The following TOMM70 variants were observed in gnomAD, a reference collection of about 807,000 sequenced individuals.
TOMM70 encodes mitochondrial import receptor subunit TOM70.
TOMM70 carries 13 observed loss-of-function variants against 73.6 expected under a neutral mutation model. The observed-to-expected ratio is 0.18, with a 90% CI of 0.11 to 0.28. TOMM70 has a LOEUF of 0.28. TOMM70 is among the 10% of genes least tolerant of loss of function. TOMM70 has a pLI of 1.00. For synonymous variants in TOMM70, 257 were observed against 271.2 expected (o/e 0.95, Z 0.51); for missense variants, 609 against 747.5 (o/e 0.81, Z 2.16).
rs568144136 is a variant in TOMM70, at chr3:100,383,458, G to A, written c.735+1021C>T. Among the ~76,000 whole-genome samples, 669 of 151,954 alleles carry A rather than the reference G, an allele frequency of 4.4e-3. 3 individuals carry two copies. Among genetic ancestry groups the A allele is most frequent in the Non-Finnish European group, 7.8e-3 (530 of 67,966 alleles). ...GAATTGCTTGAACCTGGGAGGCAGA[G>A]GTTGCAGTGAGCCAAGATAGCAACT... On this transcript the variant is annotated intron_variant, in intron 4 of 11. Coordinates refer to ENST00000284320, the MANE Select transcript of TOMM70 (RefSeq NM_014820.5).
Position 100,363,976 on chromosome 3 carries a change from AAG to A in TOMM70, c.*1586_*1587del. On this transcript the variant is annotated 3_prime_UTR_variant, in exon 12 of 12. Transcript: ENST00000284320. ...AAATCTTTTTGGTTTCAACAGAATT[AAG>A]CACCCTTAAGGGGTGTAAAAATGCT... The A allele has an allele frequency of 6.6e-6, 1 of 152,212 alleles. No homozygotes were observed. Among genetic ancestry groups the A allele is most frequent in the African/African-American group, 2.4e-5 (1 of 41,454 alleles). 9.4% of individuals were successfully genotyped at this position (152,212 alleles called of 1,614,324 possible). A position where few individuals can be genotyped will look rare whatever the true frequency, so the allele number is the denominator to read the frequency against.
At position 100,363,578 on chromosome 3, in the gene TOMM70, T is replaced by C. The variant is rs1371268284; in HGVS notation, c.*1986A>G. On this transcript the variant is annotated 3_prime_UTR_variant, in exon 12 of 12. Coordinates refer to ENST00000284320, the MANE Select transcript of TOMM70 (RefSeq NM_014820.5). ...CATTTTCACAACAGGCAATAGTCCA[T>C]GAGAATTTGGAATGACAGTATAGAA... is the stretch of plus-strand genomic sequence containing the variant. 2 of 152,650 alleles carry C rather than the reference T, an allele frequency of 1.3e-5. No homozygotes were observed. The highest frequency in any genetic ancestry group is 2.4e-5 in the African/African-American group (1 of 41,450). 9.5% of individuals were successfully genotyped at this position (152,650 alleles called of 1,614,324 possible).
Position 100,364,670 on chromosome 3 carries a change from T to G in TOMM70, c.*894A>C, listed in dbSNP as rs541261489. ...CCTCGAGCTCCTGGTCTCAAGCCTCTTGCCTCAGCCTCCCTAGTAGCTGAG... is the reference window on the plus strand; with the variant it reads ...CCTCGAGCTCCTGGTCTCAAGCCTCGTGCCTCAGCCTCCCTAGTAGCTGAG... On this transcript the variant is annotated 3_prime_UTR_variant, in exon 12 of 12. Transcript: ENST00000284320. 1 of 152,292 alleles carries G rather than the reference T, an allele frequency of 6.6e-6. No individual in the cohort carries two copies. Among genetic ancestry groups the G allele is most frequent in the South Asian group, 2.1e-4 (1 of 4,830 alleles). 9.4% of individuals were successfully genotyped at this position (152,292 alleles called of 1,614,324 possible).
Position 100,386,285 on chromosome 3 carries a change from A to G in TOMM70, c.558T>C (p.Tyr186=), listed in dbSNP as rs775391830. Residue 186 remains tyrosine, a synonymous_variant, in exon 3 of 12, where the codon TAT becomes TAC. Transcript: ENST00000284320. ...CTKAVELNPK[Y]VKALFRRAKA... ...TTGCACGTCTAAAGAGAGCTTTCAC[A>G]TATTTGGGATTAAGTTCAACAGCTT... is the stretch of plus-strand genomic sequence containing the variant. 6 of 1,613,262 alleles carry G rather than the reference A, an allele frequency of 3.7e-6. No homozygotes were observed. The highest frequency in any genetic ancestry group is 4.2e-6 in the Non-Finnish European group (5 of 1,179,638).
intron 11 of TOMM70, among the ~76,000 whole-genome samples, chr3:100,366,880 A>G (rs1401555700): frequency 6.6e-6 from 1 of 152,242 alleles, no homozygotes; most frequent in East Asian, 1.9e-4. Flanking sequence ...ACCCTATCCT[A>G]TTCTAGTACA....
chr3:100,389,367 A>G (rs1256027043), intron 1 of TOMM70, among the ~76,000 whole-genome samples: 1 of 152,224 alleles, frequency 6.6e-6, no homozygotes, highest in Non-Finnish European at 1.5e-5. Context: ...AAAAAGCAGA[A>G]AGGAAGGAAA....
chr3:100,393,988 T>C (rs750475649), intron 1 of TOMM70, among the ~76,000 whole-genome samples: 1 of 152,202 alleles, frequency 6.6e-6, no homozygotes, highest in Non-Finnish European at 1.5e-5. Context: ...CATGACTACA[T>C]TGCAAAAAGC....
chr3:100,385,027 T>C (rs1706674466), intron 3 of TOMM70, among the ~76,000 whole-genome samples: 2 of 152,254 alleles, frequency 1.3e-5, no homozygotes, highest in Admixed American at 6.5e-5. Context: ...CATCTGGTTA[T>C]GTCACAGCTC....
chr3:100,368,327 C>T (rs1272789439), intron 10 of TOMM70, among the ~76,000 whole-genome samples, 161 bp from the exon 11 acceptor site: 3 of 151,946 alleles, frequency 2.0e-5, no homozygotes, highest in Non-Finnish European at 2.9e-5. Context: ...TTTTTCTCAG[C>T]TTATATTGGT....
chr3:100,386,657 T>C, intron 2 of TOMM70, 148 bp downstream of exon 2: 1 of 980,098 alleles, frequency 1.0e-6, no homozygotes, highest in Non-Finnish European at 1.5e-6. Context: ...CTTTAAAAAG[T>C]TTTGCAATTA....
chr3:100,392,465 T>A (rs1485130846), intron 1 of TOMM70, among the ~76,000 whole-genome samples: 1 of 152,206 alleles, frequency 6.6e-6, no homozygotes, highest in Non-Finnish European at 1.5e-5. Context: ...TCACCCAGGC[T>A]GGAGTGCAGT....
intron 7 of TOMM70, among the ~76,000 whole-genome samples, chr3:100,374,469 A>G (rs1488573441): frequency 6.6e-6 from 1 of 152,196 alleles, no homozygotes; most frequent in Non-Finnish European, 1.5e-5. Context: ...ACTTTATACC[A>G]TAATGCATTC....
rs1035172962 is a variant in TOMM70 at position 100,373,450 on chromosome 3, G to A, written c.1335+88C>T. On this transcript the variant is annotated intron_variant, in intron 8 of 11. Transcript: ENST00000284320. ...TCCTTTGGGAAAGAAAGAAAAAGAC[G>A]ACTTTGTAGACAATGAGATACTCAT... The A allele has an allele frequency of 1.1e-5, 12 of 1,060,806 alleles. 1 individual carries two copies. In the Admixed American group the frequency reaches 1.3e-4, roughly 12 times the overall value. The allele number at this position is 1,060,806 out of a possible 1,614,324, so 65.7% of individuals were successfully genotyped here. A position where few individuals can be genotyped will look rare whatever the true frequency, so the allele number is the denominator to read the frequency against.
chr3:100,364,544 T>TA lies in TOMM70; in HGVS notation c.*1019dup, dbSNP rs1460517884. ...ATACAAGCAATCTGCACTTTGATTTTAAAAAAGTTCTAAAATTTTTTAAAG... is the reference window on the plus strand; with the variant it reads ...ATACAAGCAATCTGCACTTTGATTTTAAAAAAAGTTCTAAAATTTTTTAAAG... On this transcript the variant is annotated 3_prime_UTR_variant, in exon 12 of 12. Coordinates refer to ENST00000284320, the MANE Select transcript of TOMM70 (RefSeq NM_014820.5). 5.9e-5 allele frequency: 9 copies of TA among 152,110 alleles called. No individual in the cohort carries two copies. Among genetic ancestry groups the TA allele is most frequent in the Non-Finnish European group, 1.3e-4 (9 of 68,022 alleles). The allele number at this position is 152,110 out of a possible 1,614,324, so 9.4% of individuals were successfully genotyped here.
intron 1 of TOMM70, among the ~76,000 whole-genome samples, chr3:100,396,177 A>T (rs1706824024): frequency 6.6e-6 from 1 of 152,184 alleles, no homozygotes; most frequent in Non-Finnish European, 1.5e-5. Flanking sequence ...TTGATTTTTT[A>T]AAAATGACTC....
At position 100,384,463 on chromosome 3, in the gene TOMM70, A is replaced by T; in HGVS notation, c.735+16T>A. The T allele has an allele frequency of 6.3e-7, 1 of 1,574,866 alleles. No homozygotes were observed. The highest frequency in any genetic ancestry group is 8.7e-7 in the Non-Finnish European group (1 of 1,153,560). On this transcript the variant is annotated intron_variant, in intron 4 of 11. Coordinates refer to ENST00000284320, the MANE Select transcript of TOMM70 (RefSeq NM_014820.5). ...GTACACAGTACTCCCCCATTCCCCA[A>T]ATCAGATCAATTTACCTTATATTTT...
chr3:100,367,164 A>G (rs926193896), intron 11 of TOMM70, among the ~76,000 whole-genome samples: 11 of 152,184 alleles, frequency 7.2e-5, no homozygotes, highest in African/African-American at 2.7e-4. Flanking sequence ...GAGGTTGCAG[A>G]GTCAAGATTG....
rs183312486 is a variant in TOMM70 at position 100,385,595 on chromosome 3, T to C, written c.625+623A>G. 1.3e-3 allele frequency among the ~76,000 whole-genome samples: 205 copies of C among 152,328 alleles called. 1 individual carries two copies. Among genetic ancestry groups the C allele is most frequent in the Non-Finnish European group, 8.8e-5 (6 of 68,018 alleles). ...GAATGTACTTTAAAGGCTGGATGTA[T>C]ACTGTTAATTGCAGCTTTGGAAGCA... On this transcript the variant is annotated intron_variant, in intron 3 of 11. Coordinates refer to ENST00000284320, the MANE Select transcript of TOMM70 (RefSeq NM_014820.5).
rs774091806 is a variant in TOMM70 at position 100,372,617 on chromosome 3, G to A, written c.1441C>T (p.Leu481=). Residue 481 remains leucine, a synonymous_variant, in exon 9 of 12, where the codon CTA becomes TTA. Transcript: ENST00000284320. The part of the protein sequence containing the change: ...KFPRCAEGYA[L]YAQALTDQQQ... The stretch of plus-strand genomic sequence containing the variant: ...GAAAAAACATTTACCTGGGCGTATA[G>A]TGCATAGCCTTCGGCACACCTTGGA... 7 of 1,613,196 alleles carry A rather than the reference G, an allele frequency of 4.3e-6. No individual in the cohort carries two copies. Among genetic ancestry groups the A allele is most frequent in the Non-Finnish European group, 5.1e-6 (6 of 1,179,474 alleles).
Sources: gnomAD v4.1 joint callset for allele counts (sites outside exome capture counted in the v4.1 genomes callset) on GRCh38, gnomAD v4.1.1 for gene constraint, MANE v1.5 for transcripts, NCBI Gene and HGNC (gene_info 2026-07-23, HGNC 2026-07-21) for gene names.